Variants in COPB1 observed in about 807,000 individuals in gnomAD.
The protein encoded by COPB1 is coat protein complex I subunit beta 1.
A neutral mutation model predicts 108.7 loss-of-function variants in COPB1; 21 were observed. That is an observed-to-expected ratio of 0.19 (90% CI 0.14 to 0.28). The LOEUF (loss-of-function observed/expected upper bound fraction) is 0.28, where lower values mean the gene tolerates loss of function less well. Ranked by LOEUF, COPB1 falls within the 10% of genes least tolerant of loss-of-function variation. The probability of loss-of-function intolerance (pLI) is 1.00; values close to 1 mark genes in which losing one functional copy is unlikely to be tolerated. For synonymous variants in COPB1, 378 were observed against 386.8 expected (o/e 0.98, Z 0.27); for missense variants, 919 against 1,141.3 (o/e 0.81, Z 2.81).
At chr11:14,497,596 T>C (rs1421264649) in intron 2 of COPB1, among the ~76,000 whole-genome samples, 3 of 152,216 alleles carry the variant, frequency 2.0e-5, no homozygotes, top group Admixed American at 1.3e-4. Flanking sequence ...TTGGTGGGAA[T>C]GTAAACTAGT....
chr11:14,480,968 T>G, intron 9 of COPB1, 22 bp downstream of exon 9: 1 of 1,609,708 alleles, frequency 6.2e-7, no homozygotes. Context: ...AGCTACAAAG[T>G]GCTGTCAGAG....
At chr11:14,467,446 A>G (rs1273660276) in intron 16 of COPB1, among the ~76,000 whole-genome samples, 7 of 152,194 alleles carry the variant, frequency 4.6e-5, no homozygotes, top group African/African-American at 1.7e-4. Context: ...GTAAGAATGT[A>G]AAATAGTGTA....
chr11:14,486,121 C>T (rs1340360970), intron 7 of COPB1, among the ~76,000 whole-genome samples: 27 of 151,920 alleles, frequency 1.8e-4, no homozygotes, highest in Admixed American at 1.7e-3. Flanking sequence ...CTGCGCAGTT[C>T]GAACCTGTGT....
At chr11:14,478,546 T>C (rs943376630) in intron 11 of COPB1, among the ~76,000 whole-genome samples, 2 of 150,706 alleles carry the variant, frequency 1.3e-5, no homozygotes, top group African/African-American at 2.4e-5. Flanking sequence ...AACTGAACAA[T>C]GGATACAGAA....
intron 4 of COPB1, among the ~76,000 whole-genome samples, chr11:14,492,396 T>C (rs1850922768): frequency 1.3e-5 from 2 of 152,054 alleles, no homozygotes; most frequent in African/African-American, 4.8e-5. Flanking sequence ...CAGGCTAGAG[T>C]GCAATAGCGC....
At position 14,491,520 on chromosome 11, in the gene COPB1, T is replaced by C. The variant is rs1850902124; in HGVS notation, c.492-841A>G. Among the ~76,000 whole-genome samples the C allele has an allele frequency of 2.6e-5, 4 of 152,186 alleles. No individual in the cohort carries two copies. In the South Asian group the frequency reaches 6.2e-4, roughly 24 times the overall value. ...CTCCATCTCTACTAAAAATACAAAA[T>C]TAGCCAGGCGTGGTAGCGCATGCCT... On this transcript the variant is annotated intron_variant, in intron 4 of 21. Transcript: ENST00000439561.
At chr11:14,476,361 G>A (rs978607183) in intron 12 of COPB1, among the ~76,000 whole-genome samples, 1 of 152,014 alleles carries the variant, frequency 6.6e-6, no homozygotes, top group African/African-American at 2.4e-5. Context: ...AAATAAATCC[G>A]ACTTATTTGT....
chr11:14,477,389 C>CAAAAAAAAAAAAAAAAAAAAAAAAA (rs61014253), intron 11 of COPB1, among the ~76,000 whole-genome samples: 3 of 73,310 alleles, frequency 4.1e-5, no homozygotes, highest in African/African-American at 5.3e-5. Context: ...GACTCCGTCT[C>CAAAAAAAAAAAAAAAAAAAAAAAAA]AAAAAAAAAA....
intron 16 of COPB1, among the ~76,000 whole-genome samples, chr11:14,468,411 C>T (rs921892041): frequency 3.3e-5 from 5 of 152,166 alleles, no homozygotes; most frequent in African/African-American, 1.2e-4. Context: ...AAAACCTCAG[C>T]TAACCTTTAA....
At chr11:14,493,431 T>A (rs867526405) in intron 4 of COPB1, among the ~76,000 whole-genome samples, 1 of 152,240 alleles carries the variant, frequency 6.6e-6, no homozygotes, top group Non-Finnish European at 1.5e-5. Context: ...GTTACTGTTA[T>A]ACAAGTTCAG....
chr11:14,499,620 T>A (rs1851111379), intron 1 of COPB1, 87 bp downstream of exon 1: 1 of 128,582 alleles, frequency 7.8e-6, no homozygotes, highest in Admixed American at 8.5e-5. Flanking sequence ...CGGTCCCTTC[T>A]GCCAGGCCCA....
intron 10 of COPB1, among the ~76,000 whole-genome samples, chr11:14,480,133 C>T (rs896842109): frequency 6.6e-6 from 1 of 152,094 alleles, no homozygotes; most frequent in Non-Finnish European, 1.5e-5. Flanking sequence ...TTCAAATACA[C>T]AACAAAATGT....
rs1024915213 is a variant in COPB1, at chr11:14,480,752, T to G, written c.1212+7A>C. 2.5e-6 allele frequency: 4 copies of G among 1,605,160 alleles called. No individual in the cohort carries two copies. The highest frequency in any genetic ancestry group is 3.4e-6 in the Non-Finnish European group (4 of 1,177,766). On this transcript the variant is annotated splice_region_variant and intron_variant, in intron 10 of 21. Transcript: ENST00000439561. ...ATTTCAAAATTAAAGTCATCAGAATTACATACCACAGGAATAACATTTGCA... is the reference window on the plus strand; with the variant it reads ...ATTTCAAAATTAAAGTCATCAGAATGACATACCACAGGAATAACATTTGCA...
intron 17 of COPB1, 62 bp downstream of exon 17, chr11:14,466,220 C>G: frequency 6.6e-7 from 1 of 1,512,008 alleles, no homozygotes. Context: ...GTGCACCTCC[C>G]TTAATCTGTC....
At chr11:14,495,972 T>C (rs1851008721) in intron 2 of COPB1, among the ~76,000 whole-genome samples, 1 of 152,234 alleles carries the variant, frequency 6.6e-6, no homozygotes, top group African/African-American at 2.4e-5. Context: ...TTAAATATCA[T>C]AAAACTGGGT....
Position 14,468,698 on chromosome 11 carries a change from C to A in COPB1, c.2128G>T (p.Ala710Ser). 1 of 1,613,886 alleles carries A rather than the reference C, an allele frequency of 6.2e-7. No homozygotes were observed. The highest frequency in any genetic ancestry group is 2.2e-5 in the East Asian group (1 of 44,872). ...TQRKEAADPL[A>S]SKLNKVTQLT... is the part of the protein sequence containing the mutation. ...TTTGTTACCTTGTTAAGTTTAGATG[C>A]TAGGGGATCTGCTGCCTCTTTCCTC... Residue 710 changes from alanine (A) to serine (S), a missense_variant, in exon 16 of 22, where the codon GCA becomes TCA. This residue lies in a region of COPB1 where 705 missense variants were observed against 817.8 expected (regional missense o/e 0.86). Coordinates refer to ENST00000439561, the MANE Select transcript of COPB1 (RefSeq NM_001144061.2).
chr11:14,474,533 G>A lies in COPB1; in HGVS notation c.1699C>T (p.Arg567Cys), dbSNP rs142993682. The change falls in exon 14 of 22, where the codon CGC becomes TGC. Residue 567 changes from arginine to cysteine, a missense_variant. This residue lies in a region of COPB1 where 705 missense variants were observed against 817.8 expected (regional missense o/e 0.86). Coordinates refer to ENST00000439561, the MANE Select transcript of COPB1 (RefSeq NM_001144061.2). The stretch of plus-strand genomic sequence containing the variant: ...TTCTCCTGAACCAAAGCTACATAGC[G>A]CAATGCAATCTTGGTCAGAGTTGTG... ...LATTLTKIAL[R>C]YVALVQEKKK... 1.8e-4 allele frequency: 288 copies of A among 1,613,752 alleles called. 3 individuals carry two copies. In the Middle Eastern group the frequency reaches 3.8e-3, roughly 21 times the overall value.
intron 6 of COPB1, among the ~76,000 whole-genome samples, chr11:14,487,710 A>C (rs1027152549): frequency 6.6e-6 from 1 of 152,012 alleles, no homozygotes; most frequent in African/African-American, 2.4e-5. Context: ...AAACAAAAAA[A>C]AACTGTACAG....
chr11:14,459,078 T>C (rs1850087995), intron 20 of COPB1, among the ~76,000 whole-genome samples: 1 of 152,184 alleles, frequency 6.6e-6, no homozygotes, highest in Non-Finnish European at 1.5e-5. Context: ...CCATTGGTTA[T>C]TTATCACTTA....
Sources: allele counts gnomAD v4.1 joint callset (sites outside exome capture counted in the v4.1 genomes callset), GRCh38; gene constraint gnomAD v4.1.1; regional missense constraint gnomAD v4.1.1; transcripts MANE v1.5; gene names NCBI Gene and HGNC (gene_info 2026-07-23, HGNC 2026-07-21).